The following CHCHD3 variants were observed in gnomAD, a reference collection of about 807,000 sequenced individuals.
CHCHD3 encodes MICOS complex subunit MIC19.
Under a neutral mutation model 38.2 loss-of-function variants are expected in CHCHD3, and 20 were observed. That is an observed-to-expected ratio of 0.52 (90% CI 0.37 to 0.76). The LOEUF is 0.76. Among genes scored for constraint, CHCHD3 ranks in the 30% least tolerant of loss-of-function variants. The pLI is 0.00. For missense variants in CHCHD3, 245 were observed against 279.2 expected, an observed-to-expected ratio of 0.88 and a Z score of 0.87; for synonymous variants, 82 against 100.0, an observed-to-expected ratio of 0.82 and a Z score of 1.07.
intron 5 of CHCHD3, among the ~76,000 whole-genome samples, chr7:132,839,433 A>G (rs908770391): frequency 6.6e-6 from 1 of 152,150 alleles, no homozygotes; most frequent in African/African-American, 2.4e-5. Context: ...GACTAGCTAC[A>G]CTGAAACTGG....
intron 5 of CHCHD3, among the ~76,000 whole-genome samples, chr7:132,848,861 A>T (rs1808144625): frequency 6.6e-6 from 1 of 151,470 alleles, no homozygotes; most frequent in Non-Finnish European, 1.5e-5. Flanking sequence ...ACTTCACTGG[A>T]CTCTCTCCTT....
intron 5 of CHCHD3, among the ~76,000 whole-genome samples, chr7:132,855,772 CA>C (rs1554376406): frequency 2.6e-5 from 4 of 151,662 alleles, no homozygotes; most frequent in Non-Finnish European, 5.9e-5. Context: ...CATTTTCCTG[CA>C]TTAAACTCTA....
intron 6 of CHCHD3, among the ~76,000 whole-genome samples, chr7:132,801,075 A>G (rs1806780488): frequency 6.6e-6 from 1 of 152,240 alleles, no homozygotes; most frequent in Non-Finnish European, 1.5e-5. Context: ...CTTTTCTTTT[A>G]AAACACAAAA....
rs576476846 is a variant in CHCHD3, at chr7:132,939,273, A to G, written c.369+35896T>C. Among the ~76,000 whole-genome samples, 4 of 152,272 alleles carry G rather than the reference A, an allele frequency of 2.6e-5. No homozygotes were observed. The East Asian group carries it at 7.7e-4, about 29-fold the overall frequency. ...AATTCTATAGTAATAGTATACAACA[A>G]TGTCCTAGGCCTTCATGTTTACTCA... On this transcript the variant is annotated intron_variant, in intron 4 of 7. Coordinates refer to ENST00000262570, the MANE Select transcript of CHCHD3 (RefSeq NM_017812.4).
intron 1 of CHCHD3, among the ~76,000 whole-genome samples, chr7:133,080,632 A>G (rs983744260): frequency 3.3e-5 from 5 of 152,282 alleles, no homozygotes; most frequent in African/African-American, 4.8e-5. Flanking sequence ...GAAACACAAT[A>G]ACTCAAAGAA....
intron 6 of CHCHD3, among the ~76,000 whole-genome samples, chr7:132,813,044 G>T (rs1807111927): frequency 6.6e-6 from 1 of 152,194 alleles, no homozygotes; most frequent in Admixed American, 6.5e-5. Context: ...CCATTGTCAA[G>T]TTATTTGGAT....
At chr7:132,817,084 T>C (rs1807219479) in intron 6 of CHCHD3, among the ~76,000 whole-genome samples, 1 of 152,212 alleles carries the variant, frequency 6.6e-6, no homozygotes, top group African/African-American at 2.4e-5. Flanking sequence ...TGGCGATTTC[T>C]CTGTACACGT....
chr7:133,043,504 T>A (rs909808992), intron 2 of CHCHD3, among the ~76,000 whole-genome samples: 5 of 151,996 alleles, frequency 3.3e-5, no homozygotes, highest in African/African-American at 1.2e-4. Flanking sequence ...TAGCTGGGCG[T>A]GGTGGTGCAT....
Position 132,898,604 on chromosome 7 carries a change from C to T in CHCHD3, c.370-12859G>A, listed in dbSNP as rs539596956. Reference sequence around the variant, plus strand: ...GCCTGCCAGTCCCGCGCCGTGCGCCCGCACTCCTCAGCCCTTGGGTGGTCG... The same window carrying T: ...GCCTGCCAGTCCCGCGCCGTGCGCCTGCACTCCTCAGCCCTTGGGTGGTCG... On this transcript the variant is annotated intron_variant, in intron 4 of 7. Transcript: ENST00000262570. Among the ~76,000 whole-genome samples, 47 of 152,286 alleles carry T rather than the reference C, an allele frequency of 3.1e-4. No individual in the cohort carries two copies. In the South Asian group the frequency reaches 5.4e-3, roughly 17 times the overall value.
chr7:132,820,322 T>C (rs1431089180), intron 6 of CHCHD3, among the ~76,000 whole-genome samples: 1 of 152,196 alleles, frequency 6.6e-6, no homozygotes, highest in Non-Finnish European at 1.5e-5. Flanking sequence ...GCAAAGGTTG[T>C]AAGTAAGCTT....
At chr7:132,865,091 A>T (rs531694724) in intron 5 of CHCHD3, among the ~76,000 whole-genome samples, 1 of 152,330 alleles carries the variant, frequency 6.6e-6, no homozygotes, top group South Asian at 2.1e-4. Flanking sequence ...AATTATGCCA[A>T]ACATACTGGA....
At chr7:133,038,858 T>C (rs555532106) in intron 2 of CHCHD3, among the ~76,000 whole-genome samples, 1 of 152,378 alleles carries the variant, frequency 6.6e-6, no homozygotes, top group South Asian at 2.1e-4. Flanking sequence ...GGCTATGAAA[T>C]AGAGACCTAT....
chr7:133,008,709 G>A (rs1298892571), intron 3 of CHCHD3, among the ~76,000 whole-genome samples: 1 of 152,046 alleles, frequency 6.6e-6, no homozygotes, highest in African/African-American at 2.4e-5. Context: ...GAATAAACAT[G>A]TTATTAAAAG....
At chr7:133,001,979 T>G (rs541330520) in intron 3 of CHCHD3, among the ~76,000 whole-genome samples, 2 of 152,256 alleles carry the variant, frequency 1.3e-5, no homozygotes, top group African/African-American at 4.8e-5. Context: ...TTGTCCTCCA[T>G]CTTACAGATG....
chr7:132,862,636 G>C (rs1808525685), intron 5 of CHCHD3, among the ~76,000 whole-genome samples: 1 of 152,150 alleles, frequency 6.6e-6, no homozygotes, highest in South Asian at 2.1e-4. Flanking sequence ...ATTCTCAGGG[G>C]AGAGTTTTCA....
chr7:132,923,262 G>T, intron 4 of CHCHD3, among the ~76,000 whole-genome samples: 1 of 152,030 alleles, frequency 6.6e-6, no homozygotes, highest in East Asian at 1.9e-4. Context: ...GTCCTTTTCC[G>T]AAAGTTGGGT....
chr7:132,924,625 AT>A (rs1810334566), intron 4 of CHCHD3, among the ~76,000 whole-genome samples: 6 of 152,298 alleles, frequency 3.9e-5, no homozygotes, highest in Admixed American at 3.9e-4. Context: ...TTCATTCAAA[AT>A]TTTCATGATG....
intron 6 of CHCHD3, among the ~76,000 whole-genome samples, chr7:132,812,458 C>G (rs950872627): frequency 1.3e-5 from 2 of 152,086 alleles, no homozygotes; most frequent in African/African-American, 2.4e-5. Context: ...ATCTACCCAT[C>G]TCGGCCTCCC....
intron 2 of CHCHD3, among the ~76,000 whole-genome samples, chr7:133,048,308 G>A (rs1432828993): frequency 2.0e-5 from 3 of 152,150 alleles, no homozygotes; most frequent in Non-Finnish European, 4.4e-5. Context: ...ATAACTTGAA[G>A]TGACTACAAA....
Sources: gnomAD v4.1 joint callset for allele counts (sites outside exome capture counted in the v4.1 genomes callset) on GRCh38, gnomAD v4.1.1 for gene constraint, MANE v1.5 for transcripts, NCBI Gene and HGNC (gene_info 2026-07-23, HGNC 2026-07-21) for gene names.